The following TNRC6A variants were observed in gnomAD, a reference collection of about 807,000 sequenced individuals.
The protein encoded by TNRC6A is trinucleotide repeat containing adaptor 6A, also known as trinucleotide repeat-containing gene 6A protein.
A neutral mutation model predicts 221.2 loss-of-function variants in TNRC6A; 44 were observed. That is an observed-to-expected ratio of 0.20 (90% CI 0.16 to 0.26). The LOEUF is 0.26. Ranked by LOEUF, TNRC6A falls within the 10% of genes least tolerant of loss-of-function variation. TNRC6A has a pLI of 1.00. For synonymous variants in TNRC6A, 847 were observed against 838.5 expected, an observed-to-expected ratio of 1.01 and a Z score of -0.18; for missense variants, 2,199 against 2,404.4, an observed-to-expected ratio of 0.91 and a Z score of 1.79.
intron 2 of TNRC6A, among the ~76,000 whole-genome samples, chr16:24,679,047 G>A (rs903014014): frequency 2.7e-5 from 4 of 147,478 alleles, no homozygotes; most frequent in Non-Finnish European, 4.5e-5. Context: ...TGCCCAGGCT[G>A]GAGTGCAATG....
intron 4 of TNRC6A, among the ~76,000 whole-genome samples, chr16:24,761,519 T>A (rs1264918901): frequency 1.3e-5 from 2 of 151,996 alleles, no homozygotes; most frequent in African/African-American, 4.8e-5. Flanking sequence ...AATAAGAAAA[T>A]TTTTTAAAAA....
chr16:24,660,811 G>T (rs1387589347), intron 2 of TNRC6A, among the ~76,000 whole-genome samples: 1 of 131,564 alleles, frequency 7.6e-6, no homozygotes, highest in Non-Finnish European at 1.5e-5. Flanking sequence ...GAGCGATCTC[G>T]GCTCACTGCA....
chr16:24,620,052 G>A (rs894573836), intron 1 of TNRC6A, among the ~76,000 whole-genome samples: 1 of 151,984 alleles, frequency 6.6e-6, no homozygotes, highest in Non-Finnish European at 1.5e-5. Flanking sequence ...TGAGGTGGGA[G>A]GATCACTTGA....
chr16:24,799,582 AC>A (rs1467933939), intron 11 of TNRC6A, among the ~76,000 whole-genome samples: 6 of 152,356 alleles, frequency 3.9e-5, no homozygotes, highest in Non-Finnish European at 7.3e-5. Flanking sequence ...ACATGTAATA[AC>A]TTGTGAATAA....
At chr16:24,660,739 C>CTTTTTTTTTTTTTTTTTTTTTTTG (rs58299677) in intron 2 of TNRC6A, among the ~76,000 whole-genome samples, 1 of 91,288 alleles carries the variant, frequency 1.1e-5, no homozygotes, top group Admixed American at 1.4e-4. Context: ...TTTTTTTTTT[C>CTTTTTTTTTTTTTTTTTTTTTTTG]TTTTTTTTTT....
chr16:24,678,586 C>A (rs550962153), intron 2 of TNRC6A, among the ~76,000 whole-genome samples: 2 of 152,188 alleles, frequency 1.3e-5, no homozygotes, highest in South Asian at 2.1e-4. Context: ...ATGCCTGTAG[C>A]CCCAGCTACT....
chr16:24,746,877 A>G (rs1205849708), intron 2 of TNRC6A, among the ~76,000 whole-genome samples: 5 of 152,322 alleles, frequency 3.3e-5, no homozygotes, highest in East Asian at 1.9e-4. Context: ...TGCTCCCTTG[A>G]TAGGCCCTTG....
intron 2 of TNRC6A, among the ~76,000 whole-genome samples, chr16:24,670,302 G>A (rs1397494845): frequency 2.0e-5 from 3 of 151,912 alleles, no homozygotes; most frequent in African/African-American, 7.3e-5. Context: ...GCTTAATGTG[G>A]GAAAATAGTT....
At chr16:24,661,669 C>T (rs1410196594) in intron 2 of TNRC6A, 2 of 152,404 alleles carry the variant, frequency 1.3e-5, no homozygotes, top group Non-Finnish European at 2.9e-5. Flanking sequence ...GCCTCGGCCT[C>T]CCAAAGTGCT....
chr16:24,683,560 C>T (rs573882216), intron 2 of TNRC6A, among the ~76,000 whole-genome samples: 1 of 152,284 alleles, frequency 6.6e-6, no homozygotes, highest in East Asian at 1.9e-4. Flanking sequence ...AGACAAGCCA[C>T]AGCTGTGTTC....
intron 1 of TNRC6A, among the ~76,000 whole-genome samples, chr16:24,635,074 TTTTCTTTCTTTCTTTTCTTTC>T (rs1901556899): frequency 6.6e-6 from 1 of 151,306 alleles, no homozygotes; most frequent in Admixed American, 6.6e-5. Flanking sequence ...CTTTCTTTCT[TTTTCTTTCTTTCTTTTCTTTC>T]TTTCTTTCTT....
intron 11 of TNRC6A, 56 bp from the exon 12 acceptor site, chr16:24,804,121 A>G (rs753216390): frequency 6.5e-7 from 1 of 1,529,020 alleles, no homozygotes; most frequent in African/African-American, 1.4e-5. Context: ...TTGTAAATTT[A>G]TCTGAAACCA....
chr16:24,664,822 A>G (rs1312656918), intron 2 of TNRC6A: 2 of 452,020 alleles, frequency 4.4e-6, no homozygotes, highest in Non-Finnish European at 8.9e-6. Flanking sequence ...CAAAACCTAT[A>G]AGAAATCCCA....
intron 3 of TNRC6A, 108 bp from the exon 4 acceptor site, chr16:24,758,231 A>T: frequency 9.1e-7 from 1 of 1,093,942 alleles, no homozygotes; most frequent in Non-Finnish European, 1.3e-6. Context: ...TTCCTTGTTT[A>T]ATAAAGGTGT....
intron 1 of TNRC6A, 121 bp from the exon 2 acceptor site, chr16:24,730,132 C>G: frequency 5.2e-6 from 3 of 577,262 alleles, no homozygotes; most frequent in Non-Finnish European, 7.9e-6. Flanking sequence ...CTCCCCCCGT[C>G]CTCTCCCCTC....
intron 2 of TNRC6A, among the ~76,000 whole-genome samples, chr16:24,664,464 T>A (rs1030880316): frequency 1.4e-5 from 2 of 144,266 alleles, no homozygotes; most frequent in Non-Finnish European, 3.0e-5. Context: ...ATTTTATTTT[T>A]AAATATAATA....
At chr16:24,620,377 A>G (rs2141591926) in intron 1 of TNRC6A, among the ~76,000 whole-genome samples, 2 of 152,272 alleles carry the variant, frequency 1.3e-5, no homozygotes, top group East Asian at 3.9e-4. Context: ...GGGAGGTGGT[A>G]TTGTTGGTAG....
At chr16:24,645,034 T>C (rs1417682860) in intron 2 of TNRC6A, among the ~76,000 whole-genome samples, 1 of 152,230 alleles carries the variant, frequency 6.6e-6, no homozygotes, top group Non-Finnish European at 1.5e-5. Context: ...GATCTGTATT[T>C]ATAGTTACAG....
chr16:24,715,957 C>T (rs2056305834), intron 2 of TNRC6A, among the ~76,000 whole-genome samples: 1 of 152,048 alleles, frequency 6.6e-6, no homozygotes, highest in Non-Finnish European at 1.5e-5. Context: ...ATGTACTACA[C>T]AGTTTTTAGC....
Sources: allele counts gnomAD v4.1 joint callset (sites outside exome capture counted in the v4.1 genomes callset), GRCh38; gene constraint gnomAD v4.1.1; transcripts MANE v1.5; gene names NCBI Gene and HGNC (gene_info 2026-07-23, HGNC 2026-07-21).